Variants in PRMT8 observed in about 807,000 individuals in gnomAD.
The protein encoded by PRMT8 is protein arginine methyltransferase 8, also known as protein arginine N-methyltransferase 8.
Under a neutral mutation model 47.1 loss-of-function variants are expected in PRMT8, and 7 were observed. That is an observed-to-expected ratio of 0.15 (90% CI 0.08 to 0.28). PRMT8 has a LOEUF of 0.28. PRMT8 is among the 10% of genes least tolerant of loss of function. The probability of loss-of-function intolerance (pLI) is 1.00; values close to 1 mark genes in which losing one functional copy is unlikely to be tolerated. For synonymous variants in PRMT8, 188 were observed against 186.5 expected (o/e 1.01, Z -0.07); for missense variants, 237 against 505.4 (o/e 0.47, Z 5.09).
intron 1 of PRMT8, 60 bp from the exon 2 acceptor site, chr12:3,540,546 C>G: frequency 8.6e-7 from 1 of 1,162,144 alleles, no homozygotes; most frequent in Non-Finnish European, 1.3e-6. Flanking sequence ...GGACCGCAAG[C>G]CTCCGAGGGC....
At chr12:3,480,400 C>T (rs1434741054) in intron 1 of PRMT8, among the ~76,000 whole-genome samples, 1 of 152,140 alleles carries the variant, frequency 6.6e-6, no homozygotes, top group Non-Finnish European at 1.5e-5. Flanking sequence ...ATGCCAGTCA[C>T]AGGGTTCACA....
At chr12:3,482,151 C>A (rs1442235815) in intron 1 of PRMT8, among the ~76,000 whole-genome samples, 1 of 152,158 alleles carries the variant, frequency 6.6e-6, no homozygotes, top group Non-Finnish European at 1.5e-5. Context: ...GTTTTATGGG[C>A]CAGGAGGAAA....
At chr12:3,573,371 T>C (rs547456813) in intron 6 of PRMT8, among the ~76,000 whole-genome samples, 1 of 152,368 alleles carries the variant, frequency 6.6e-6, no homozygotes, top group South Asian at 2.1e-4. Flanking sequence ...AATTCTCCAT[T>C]CATTGATGCA....
intron 1 of PRMT8, among the ~76,000 whole-genome samples, chr12:3,455,088 T>G (rs1864959440): frequency 6.6e-6 from 1 of 152,098 alleles, no homozygotes; most frequent in African/African-American, 2.4e-5. Context: ...CTGGGGGAGA[T>G]GGAGTTTGGG....
chr12:3,551,898 CAG>C (rs2137178751), intron 3 of PRMT8: 1 of 152,480 alleles, frequency 6.6e-6, no homozygotes, highest in South Asian at 2.1e-4. Flanking sequence ...GAGACAGAGA[CAG>C]AGAAAGGTGC....
intron 1 of PRMT8, among the ~76,000 whole-genome samples, chr12:3,469,959 G>C (rs1464580028): frequency 1.3e-5 from 2 of 152,200 alleles, no homozygotes; most frequent in Non-Finnish European, 2.9e-5. Context: ...GGAGCACACA[G>C]AGGACTGAGA....
chr12:3,450,393 A>G (rs1693043584), intron 1 of PRMT8, among the ~76,000 whole-genome samples: 1 of 152,240 alleles, frequency 6.6e-6, no homozygotes, highest in African/African-American at 2.4e-5. Flanking sequence ...CTCATTATAC[A>G]AGAGAAATTA....
At chr12:3,556,170 A>C (rs1866525297) in intron 4 of PRMT8, among the ~76,000 whole-genome samples, 1 of 152,014 alleles carries the variant, frequency 6.6e-6, no homozygotes, top group South Asian at 2.1e-4. Flanking sequence ...GTGCGTCCAG[A>C]ATTTCAGGAA....
Position 3,453,273 on chromosome 12 carries a change from T to C in PRMT8, c.48+71831T>C, listed in dbSNP as rs965017109. ...CGCTCACTCTAGTCCTGGCTCCCTT[T>C]ACACAGGCCTAATATGACCAAACAG... On this transcript the variant is annotated intron_variant, in intron 1 of 9. Transcript: ENST00000452611. This position sits in a 1 kb window ranked among gnomAD's most constrained non-coding sequence, Gnocchi z 4.9. Among the ~76,000 whole-genome samples the C allele has an allele frequency of 2.0e-5, 3 of 152,012 alleles. No homozygotes were observed. The highest frequency in any genetic ancestry group is 4.4e-5 in the Non-Finnish European group (3 of 68,028).
intron 1 of PRMT8, among the ~76,000 whole-genome samples, chr12:3,473,185 C>G (rs1865176963): frequency 6.6e-6 from 1 of 152,166 alleles, no homozygotes; most frequent in African/African-American, 2.4e-5. Flanking sequence ...CCCTCCCTCA[C>G]TTCTCATCCC....
intron 1 of PRMT8, among the ~76,000 whole-genome samples, chr12:3,509,403 C>T (rs1009900266): frequency 2.6e-5 from 4 of 152,334 alleles, no homozygotes; most frequent in Non-Finnish European, 1.5e-5. Flanking sequence ...AAGTCTCCTC[C>T]TATGTTATCC....
intron 1 of PRMT8, among the ~76,000 whole-genome samples, chr12:3,389,486 G>A (rs915878870): frequency 6.6e-6 from 1 of 152,066 alleles, no homozygotes; most frequent in Non-Finnish European, 1.5e-5. Context: ...TTCCTTCACT[G>A]GGTTGTTCAT....
rs987729240 is a variant in PRMT8 at position 3,566,950 on chromosome 12, G to A, written c.482-1756G>A. 2.6e-5 allele frequency among the ~76,000 whole-genome samples: 4 copies of A among 152,070 alleles called. No homozygotes were observed. The South Asian group carries it at 8.3e-4, about 32-fold the overall frequency. On this transcript the variant is annotated intron_variant, in intron 4 of 9. Coordinates refer to ENST00000382622, the MANE Select transcript of PRMT8 (RefSeq NM_019854.5). The surrounding 1 kb of genome is among the most constrained non-coding windows in gnomAD (Gnocchi z 4.7). ...AAACTAGCTTGCTCAGATCTTTACA[G>A]CAACAAATACAAAAAGGGACTCCAA...
At chr12:3,582,474 C>T (rs1867085311) in intron 7 of PRMT8, among the ~76,000 whole-genome samples, 1 of 152,220 alleles carries the variant, frequency 6.6e-6, no homozygotes, top group African/African-American at 2.4e-5. Flanking sequence ...CAGGTCCTTA[C>T]TCCTAATGTC....
chr12:3,422,583 G>C (rs12300173), intron 1 of PRMT8, among the ~76,000 whole-genome samples: 10,166 of 152,228 alleles, frequency 0.067, 364 homozygotes, highest in African/African-American at 0.11. Context: ...TATATGACTG[G>C]GGGCTGCATG....
chr12:3,390,067 G>GGA lies in PRMT8; in HGVS notation c.48+8633_48+8634dup, dbSNP rs542707130. Among the ~76,000 whole-genome samples, 41 of 152,390 alleles carry GGA rather than the reference G, an allele frequency of 2.7e-4. No individual in the cohort carries two copies. The East Asian group carries it at 7.9e-3, about 29-fold the overall frequency. On this transcript the variant is annotated intron_variant, in intron 1 of 9. Coordinates refer to the PRMT8 transcript ENST00000452611. ...GAGCCGCCTGTGCTTCTGGGCATGG[G>GGA]GAGAGAGAGTGGGGAGAAGAAGTGG...
chr12:3,424,597 C>T (rs1188737823), intron 1 of PRMT8, among the ~76,000 whole-genome samples: 2 of 152,066 alleles, frequency 1.3e-5, no homozygotes, highest in African/African-American at 2.4e-5. Context: ...GTATCATTTA[C>T]GAGTCCCTAC....
chr12:3,541,534 T>C (rs1866231016), intron 2 of PRMT8, among the ~76,000 whole-genome samples: 1 of 152,246 alleles, frequency 6.6e-6, no homozygotes, highest in Non-Finnish European at 1.5e-5. Context: ...ATACGTATCA[T>C]TTCATTTAAA....
chr12:3,553,248 G>A (rs985244898), intron 3 of PRMT8: 9 of 253,222 alleles, frequency 3.6e-5, no homozygotes, highest in Non-Finnish European at 5.3e-5. Context: ...GCTGGGCTGC[G>A]GTGGGGAGGA....
Sources: allele counts gnomAD v4.1 joint callset (sites outside exome capture counted in the v4.1 genomes callset), GRCh38; gene constraint gnomAD v4.1.1; non-coding constraint Gnocchi (gnomAD v3.1); transcripts MANE v1.5; gene names NCBI Gene and HGNC (gene_info 2026-07-23, HGNC 2026-07-21).